KLC1: variants seen among roughly 807,000 people sequenced by gnomAD.
KLC1 encodes kinesin light chain 1.
KLC1 carries 30 observed loss-of-function variants against 84.2 expected under a neutral mutation model. That is an observed-to-expected ratio of 0.36 (90% CI 0.27 to 0.48). The LOEUF (loss-of-function observed/expected upper bound fraction) is 0.48. Among genes scored for constraint, KLC1 ranks in the 20% least tolerant of loss-of-function variants. KLC1 has a pLI of 0.99. For missense variants in KLC1, 499 were observed against 805.4 expected (o/e 0.62, Z 4.60); for synonymous variants, 289 against 293.3 (o/e 0.99, Z 0.15).
At chr14:103,673,279 T>C in intron 8 of KLC1, 53 bp from the exon 9 acceptor site, 1 of 1,549,940 alleles carries the variant, frequency 6.5e-7, no homozygotes, top group Middle Eastern at 1.7e-4. Flanking sequence ...TTAAAATGTA[T>C]GCTTTATTTA....
intron 13 of KLC1, among the ~76,000 whole-genome samples, chr14:103,679,965 G>A (rs1028898975): frequency 2.0e-5 from 3 of 152,234 alleles, no homozygotes; most frequent in African/African-American, 7.2e-5. Flanking sequence ...ATGCTTTAAA[G>A]GGAGATGCTG....
At chr14:103,680,004 G>C (rs1476893307) in intron 13 of KLC1, among the ~76,000 whole-genome samples, 1 of 152,186 alleles carries the variant, frequency 6.6e-6, no homozygotes, top group Non-Finnish European at 1.5e-5. Context: ...TTAGAAAACA[G>C]GTCAGAAACA....
rs777643300 is a variant in KLC1 at position 103,662,895 on chromosome 14, C to A, written c.765C>A (p.Ala255=). 1.2e-6 allele frequency: 2 copies of A among 1,613,058 alleles called. No individual in the cohort carries two copies. The highest frequency in any genetic ancestry group is 2.7e-5 in the African/African-American group (2 of 74,810). Residue 255 remains alanine, a synonymous_variant, in exon 5 of 17, where the codon GCC becomes GCA. Coordinates refer to ENST00000334553, the MANE Select transcript of KLC1 (RefSeq NM_001394837.1). ...CAGGACACGACCACCCGGACGTGGC[C>A]ACCATGCTCAACATCCTGGCCTTGG... The part of the protein sequence containing the change: ...KTSGHDHPDV[A]TMLNILALVY...
intron 7 of KLC1, among the ~76,000 whole-genome samples, chr14:103,671,106 A>G (rs1401091991): frequency 1.3e-5 from 2 of 152,158 alleles, no homozygotes; most frequent in African/African-American, 2.4e-5. Context: ...GTGCTTGTCA[A>G]TAAGAAAAAC....
chr14:103,670,413 T>C, intron 7 of KLC1, 130 bp downstream of exon 7: 1 of 556,528 alleles, frequency 1.8e-6, no homozygotes, highest in South Asian at 2.1e-5. Context: ...CTCGGCTCAC[T>C]GCAACCCCCA....
intron 15 of KLC1, chr14:103,699,501 C>G: frequency 6.2e-7 from 1 of 1,612,964 alleles, no homozygotes; most frequent in Non-Finnish European, 8.5e-7. Flanking sequence ...GCCACCGAGT[C>G]GATGACCACC....
At chr14:103,691,632 C>G (rs2082123994) in intron 14 of KLC1, among the ~76,000 whole-genome samples, 1 of 151,832 alleles carries the variant, frequency 6.6e-6, no homozygotes, top group Admixed American at 6.6e-5. Context: ...CCATGCCCAG[C>G]TAATTTTTTG....
chr14:103,671,857 T>A (rs1407826793), intron 7 of KLC1, among the ~76,000 whole-genome samples: 1 of 152,172 alleles, frequency 6.6e-6, no homozygotes, highest in Non-Finnish European at 1.5e-5. Flanking sequence ...AATGGTTGAA[T>A]TTGGGGTGGG....
chr14:103,660,487 G>GAAA (rs111860410), intron 3 of KLC1, among the ~76,000 whole-genome samples: 9 of 117,084 alleles, frequency 7.7e-5, no homozygotes, highest in South Asian at 2.9e-4. Context: ...TCTCAAAAAA[G>GAAA]AAAAAAAAAA....
intron 7 of KLC1, among the ~76,000 whole-genome samples, chr14:103,671,572 T>G: frequency 6.6e-6 from 1 of 152,186 alleles, no homozygotes; most frequent in Non-Finnish European, 1.5e-5. Context: ...GGTTTCACCA[T>G]GTTGGCCAGG....
At chr14:103,695,593 G>A in intron 15 of KLC1, 5 of 985,376 alleles carry the variant, frequency 5.1e-6, no homozygotes, top group Non-Finnish European at 6.0e-6. Context: ...TTCCCTTAGT[G>A]ACAGTTATCT....
intron 4 of KLC1, 124 bp from the exon 5 acceptor site, chr14:103,662,578 T>G: frequency 2.7e-6 from 2 of 748,680 alleles, no homozygotes; most frequent in Non-Finnish European, 4.3e-6. Context: ...TAGGAAAAGA[T>G]TTAAATAGCA....
chr14:103,699,641 G>C (rs974065905), intron 15 of KLC1: 3 of 1,536,136 alleles, frequency 2.0e-6, no homozygotes, highest in Admixed American at 1.7e-5. Flanking sequence ...ACCAGACCCC[G>C]TTTGGACTGT....
In KLC1 at chr14:103,692,938, A is replaced by G. The variant is rs543983554; in HGVS notation, c.1848+513A>G. On this transcript the variant is annotated intron_variant, in intron 15 of 16. Transcript: ENST00000334553. ...CCTCACACAGACACATCAGGTTTAC[A>G]TCTGAAAGTACTGCCTCCCTTCCCC... Among the ~76,000 whole-genome samples, 5 of 152,366 alleles carry G rather than the reference A, an allele frequency of 3.3e-5. No homozygotes were observed. The South Asian group carries it at 1.0e-3, about 32-fold the overall frequency.
intron 9 of KLC1, 130 bp downstream of exon 9, chr14:103,673,561 A>G (rs914559793): frequency 1.7e-6 from 1 of 595,896 alleles, no homozygotes; most frequent in Non-Finnish European, 2.9e-6. Flanking sequence ...AATAGTTTAA[A>G]TGTGTGATTT....
intron 13 of KLC1, chr14:103,685,593 C>A: frequency 7.8e-7 from 1 of 1,289,230 alleles, no homozygotes; most frequent in Non-Finnish European, 1.0e-6. Context: ...TGCCTTTCCT[C>A]GCCGCGGTTT....
At chr14:103,676,704 T>G (rs1026624711) in intron 11 of KLC1, among the ~76,000 whole-genome samples, 2 of 152,212 alleles carry the variant, frequency 1.3e-5, no homozygotes, top group African/African-American at 4.8e-5. Context: ...GCTTCTTTAT[T>G]TCTGTACCCA....
In KLC1 at chr14:103,693,913, C is replaced by T; in HGVS notation, c.1848+1488C>T. On this transcript the variant is annotated intron_variant, in intron 15 of 16. Coordinates refer to ENST00000334553, the MANE Select transcript of KLC1 (RefSeq NM_001394837.1). This position sits in a 1 kb window ranked among gnomAD's most constrained non-coding sequence, Gnocchi z 5.1. ...GCTTCAGCACGCTGGGGATTGGCTC[C>T]TGCTCACGGATGCTGTTGCATTTCC... 1 of 1,275,566 alleles carries T rather than the reference C, an allele frequency of 7.8e-7. No individual in the cohort carries two copies. The highest frequency in any genetic ancestry group is 3.0e-4 in the Middle Eastern group (1 of 3,314). The allele number at this position is 1,275,566 out of a possible 1,614,324, so 79.0% of individuals were successfully genotyped here. A position where few individuals can be genotyped will look rare whatever the true frequency, so the allele number is the denominator to read the frequency against.
At chr14:103,677,742 T>A (rs994687640) in intron 12 of KLC1, among the ~76,000 whole-genome samples, 2 of 152,146 alleles carry the variant, frequency 1.3e-5, no homozygotes, top group African/African-American at 4.8e-5. Flanking sequence ...GCAGATCACC[T>A]GAGGTCAGGA....
Sources: gnomAD v4.1 joint callset for allele counts (sites outside exome capture counted in the v4.1 genomes callset) on GRCh38, gnomAD v4.1.1 for gene constraint, Gnocchi (gnomAD v3.1) non-coding constraint, MANE v1.5 for transcripts, NCBI Gene and HGNC (gene_info 2026-07-23, HGNC 2026-07-21) for gene names.